ITPR3: variants seen among roughly 807,000 people sequenced by gnomAD.
ITPR3 encodes the protein inositol 1,4,5-trisphosphate-gated calcium channel ITPR3.
A neutral mutation model predicts 293.2 loss-of-function variants in ITPR3; 173 were observed. The ratio of observed to expected loss-of-function variants is 0.59; its 90% CI spans 0.52 to 0.67. ITPR3 has a LOEUF of 0.67. Ranked by LOEUF, ITPR3 falls within the 30% of genes least tolerant of loss-of-function variation. The pLI, the probability that ITPR3 is intolerant of heterozygous loss-of-function variation, is 0.00. For missense variants in ITPR3, 2,796 were observed against 3,592.1 expected (o/e 0.78, Z 5.66); for synonymous variants, 1,295 against 1,444.4 (o/e 0.90, Z 2.35).
Position 33,662,635 on chromosome 6 carries a change from C to T in ITPR3, c.819C>T (p.Ala273=). The change falls in exon 8 of 58, where the codon GCC becomes GCT. Residue 273 remains alanine (A), a synonymous_variant. Coordinates refer to ENST00000605930, the MANE Select transcript of ITPR3 (RefSeq NM_002224.4). ...TGCGAACTACACTGCGCCAGTCTGC[C>T]ACCTCGGCCACCAGCTCCAATGCTC... is the stretch of plus-strand genomic sequence containing the variant. The part of the protein sequence containing the change: ...VFLRTTLRQS[A]TSATSSNALW... The T allele has an allele frequency of 6.2e-7, 1 of 1,610,470 alleles. No homozygotes were observed. Among genetic ancestry groups the T allele is most frequent in the South Asian group, 1.1e-5 (1 of 91,078 alleles).
chr6:33,637,813 C>CTTT (rs56694936), intron 1 of ITPR3, among the ~76,000 whole-genome samples: 7 of 140,244 alleles, frequency 5.0e-5, no homozygotes, highest in Non-Finnish European at 6.2e-5. Flanking sequence ...TTCTTTCTTT[C>CTTT]TTTTTTTTTT....
At chr6:33,641,300 G>A (rs1471568919) in intron 2 of ITPR3, among the ~76,000 whole-genome samples, 1 of 152,188 alleles carries the variant, frequency 6.6e-6, no homozygotes, top group East Asian at 1.9e-4. Flanking sequence ...GGGCGTGTTG[G>A]GCAGGGTGGG....
rs190572901 is a variant in ITPR3, at chr6:33,638,360, G to T, written c.90-2124G>T. 3.3e-5 allele frequency among the ~76,000 whole-genome samples: 5 copies of T among 152,326 alleles called. No homozygotes were observed. Among genetic ancestry groups the T allele is most frequent in the Admixed American group, 3.3e-4 (5 of 15,294 alleles). On this transcript the variant is annotated intron_variant, in intron 1 of 57. Coordinates refer to ENST00000605930, the MANE Select transcript of ITPR3 (RefSeq NM_002224.4). This position sits in a 1 kb window ranked among gnomAD's most constrained non-coding sequence, Gnocchi z 4.3. ...TTGGTGGTCAACCTAACCTTCAGCG[G>T]CTCTCTCCTTCCAGGAGGAGGTCGT... is the stretch of plus-strand genomic sequence containing the variant.
chr6:33,695,203 T>A, intron 57 of ITPR3, 118 bp downstream of exon 57: 2 of 1,175,890 alleles, frequency 1.7e-6, no homozygotes, highest in South Asian at 1.5e-5. Flanking sequence ...TGGGCCTGGA[T>A]GAGAAGGCAG....
At chr6:33,660,437 TCA>T (rs1764433834) in intron 7 of ITPR3, among the ~76,000 whole-genome samples, 1 of 152,046 alleles carries the variant, frequency 6.6e-6, no homozygotes, top group Non-Finnish European at 1.5e-5. Context: ...TCAGGCTGCC[TCA>T]GTCCCCCACC....
At chr6:33,626,226 T>A (rs915816133) in intron 1 of ITPR3, among the ~76,000 whole-genome samples, 1 of 152,194 alleles carries the variant, frequency 6.6e-6, no homozygotes, top group Non-Finnish European at 1.5e-5. Flanking sequence ...TGAGCCGCCG[T>A]GCCTGGCCGT....
Position 33,658,106 on chromosome 6 carries a change from G to A in ITPR3, c.369+88G>A. 2 of 1,136,246 alleles carry A rather than the reference G, an allele frequency of 1.8e-6. No individual in the cohort carries two copies. The highest frequency in any genetic ancestry group is 2.6e-6 in the Non-Finnish European group (2 of 765,564). The allele number at this position is 1,136,246 out of a possible 1,614,324, so 70.4% of individuals were successfully genotyped here. A position where few individuals can be genotyped will look rare whatever the true frequency, so the allele number is the denominator to read the frequency against. Reference sequence around the variant, plus strand: ...TGGGTGAGGGCTGCCAGCAGGCATTGCCCTCTGTGCATGTGTGTCCCCGGG... The same window carrying A: ...TGGGTGAGGGCTGCCAGCAGGCATTACCCTCTGTGCATGTGTGTCCCCGGG... On this transcript the variant is annotated intron_variant, in intron 4 of 57. Coordinates refer to ENST00000605930, the MANE Select transcript of ITPR3 (RefSeq NM_002224.4). This position sits in a 1 kb window ranked among gnomAD's most constrained non-coding sequence, Gnocchi z 6.1.
At position 33,664,942 on chromosome 6, in the gene ITPR3, C is replaced by T. The variant is rs536206551; in HGVS notation, c.1221C>T (p.Ile407=). The change falls in exon 12 of 58, where the codon ATC becomes ATT. Residue 407 remains isoleucine (I), a synonymous_variant. Coordinates refer to ENST00000605930, the MANE Select transcript of ITPR3 (RefSeq NM_002224.4). This position sits in a 1 kb window ranked among gnomAD's most constrained non-coding sequence, Gnocchi z 4.4. ...AGAGCACCAATGTGCCCATTGACAT[C>T]GAGGAGGAGCGGCCCATCCGGCTCA... ...WIQSTNVPID[I]EEERPIRLML... The T allele has an allele frequency of 1.9e-6, 3 of 1,585,852 alleles. No individual in the cohort carries two copies. Among genetic ancestry groups the T allele is most frequent in the East Asian group, 4.7e-5 (2 of 42,854 alleles).
At position 33,683,299 on chromosome 6, in the gene ITPR3, C is replaced by T. The variant is rs1208122928; in HGVS notation, c.4690C>T (p.Arg1564Trp). The T allele has an allele frequency of 1.0e-5, 16 of 1,582,052 alleles. No homozygotes were observed. The highest frequency in any genetic ancestry group is 2.3e-5 in the South Asian group (2 of 86,514). ...SGASCAAAAQRNASSYKATTR... is the reference protein window; with the variant it reads ...SGASCAAAAQWNASSYKATTR... ...AGCCAGCTGTGCAGCTGCCGCCCAG[C>T]GGAACGCCTCCAGCTACAAGGCAAC... Residue 1564 changes from arginine to tryptophan, a missense_variant, in exon 35 of 58, where the codon CGG becomes TGG. Arg to Trp is a moderately radical substitution (Grantham distance 101). Transcript: ENST00000605930. This position sits in a 1 kb window ranked among gnomAD's most constrained non-coding sequence, Gnocchi z 4.5.
chr6:33,692,951 C>T lies in ITPR3; in HGVS notation c.7624+58C>T. On this transcript the variant is annotated intron_variant, in intron 55 of 57. Transcript: ENST00000605930. This position sits in a 1 kb window ranked among gnomAD's most constrained non-coding sequence, Gnocchi z 4.2. ...AGCGGGGCTGGAACGTCATCTGATG[C>T]CAGTGGCAGTAGCGGTTTGGCCCTT... 1 of 1,573,814 alleles carries T rather than the reference C, an allele frequency of 6.4e-7. No homozygotes were observed. Among genetic ancestry groups the T allele is most frequent in the Non-Finnish European group, 8.7e-7 (1 of 1,150,794 alleles).
chr6:33,660,797 T>C (rs1162544957), intron 7 of ITPR3, among the ~76,000 whole-genome samples: 1 of 152,014 alleles, frequency 6.6e-6, no homozygotes, highest in African/African-American at 2.4e-5. Flanking sequence ...GGCGTGGCAG[T>C]GGGCACCTGT....
intron 26 of ITPR3, 29 bp from the exon 27 acceptor site, chr6:33,676,986 G>C (rs1174083196): frequency 6.2e-7 from 1 of 1,613,960 alleles, no homozygotes; most frequent in South Asian, 1.1e-5. Context: ...GCTGGGCCTG[G>C]CTGATCTCCT....
In ITPR3 at chr6:33,638,056, A is replaced by C. The variant is rs1763866104; in HGVS notation, c.90-2428A>C. 6.6e-6 allele frequency among the ~76,000 whole-genome samples: 1 copy of C among 151,526 alleles called. No homozygotes were observed. Among genetic ancestry groups the C allele is most frequent in the South Asian group, 2.1e-4 (1 of 4,794 alleles). ...AGTCTTGCTCTTTCGCCCAGGCTGA[A>C]GTGCAGTGGCGTGATCTCGGCTCAC... is the stretch of plus-strand genomic sequence containing the variant. On this transcript the variant is annotated intron_variant, in intron 1 of 57. Transcript: ENST00000605930. This position sits in a 1 kb window ranked among gnomAD's most constrained non-coding sequence, Gnocchi z 4.3.
chr6:33,629,740 A>AAAGTGTTGGGAT (rs1397945436), intron 1 of ITPR3, among the ~76,000 whole-genome samples: 1 of 151,264 alleles, frequency 6.6e-6, no homozygotes, highest in Non-Finnish European at 1.5e-5. Flanking sequence ...TCAGCCTCCC[A>AAAGTGTTGGGAT]AAGTGTTGGG....
Position 33,675,426 on chromosome 6 carries a change from A to C in ITPR3, c.3117-265A>C, listed in dbSNP as rs1764878426. ...GGGTGACAGAGCAAGACTCTGTCTC[A>C]AAAAAAAAAAAAAAGAGTCCTTGCT... is the stretch of plus-strand genomic sequence containing the variant. On this transcript the variant is annotated intron_variant, in intron 24 of 57. Transcript: ENST00000605930. The surrounding 1 kb of genome is among the most constrained non-coding windows in gnomAD (Gnocchi z 5.0). Among the ~76,000 whole-genome samples the C allele has an allele frequency of 8.1e-6, 1 of 123,984 alleles. No homozygotes were observed. The highest frequency in any genetic ancestry group is 1.8e-5 in the Non-Finnish European group (1 of 56,592). 81.3% of individuals were successfully genotyped at this position (123,984 alleles called of 152,430 possible). A position where few individuals can be genotyped will look rare whatever the true frequency, so the allele number is the denominator to read the frequency against.
chr6:33,661,991 T>TCAAAAAAAAAAAA (rs1333480203), intron 7 of ITPR3, among the ~76,000 whole-genome samples: 1 of 16,880 alleles, frequency 5.9e-5, no homozygotes, highest in Non-Finnish European at 1.8e-4. Context: ...TGACTGTCTC[T>TCAAAAAAAAAAAA]GAAAAAAAAA....
intron 2 of ITPR3, among the ~76,000 whole-genome samples, chr6:33,646,609 C>G (rs1463693680): frequency 6.6e-6 from 1 of 152,004 alleles, no homozygotes; most frequent in East Asian, 1.9e-4. Flanking sequence ...CTTCCTCTCT[C>G]TCTCTTTCAT....
rs763843161 is a variant in ITPR3, at chr6:33,663,769, C to G, written c.1037C>G (p.Ala346Gly). 3.7e-6 allele frequency: 6 copies of G among 1,614,000 alleles called. No homozygotes were observed. The highest frequency in any genetic ancestry group is 5.1e-6 in the Non-Finnish European group (6 of 1,180,008). ...GAQGRTGRRN[A>G]GEKIKYCLVA... ...CAGGGCCGCACAGGCCGCAGGAATGCTGGGGAGAAGATCAAGTACTGCCTG... is the reference window on the plus strand; with the variant it reads ...CAGGGCCGCACAGGCCGCAGGAATGGTGGGGAGAAGATCAAGTACTGCCTG... The change falls in exon 11 of 58, where the codon GCT becomes GGT. Residue 346 changes from alanine (A) to glycine (G), a missense_variant. Physicochemically the swap from Ala to Gly is moderately conservative, Grantham distance 60. Around this residue, in one of 8 missense-constraint regions of ITPR3, gnomAD observed 955 missense variants for 1,180.8 expected, o/e 0.81. Coordinates refer to ENST00000605930, the MANE Select transcript of ITPR3 (RefSeq NM_002224.4).
rs745792215 is a variant in ITPR3 at position 33,687,433 on chromosome 6, C to T, written c.6178-45C>T. 3 of 1,561,314 alleles carry T rather than the reference C, an allele frequency of 1.9e-6. No individual in the cohort carries two copies. The highest frequency in any genetic ancestry group is 1.7e-6 in the Non-Finnish European group (2 of 1,144,552). On this transcript the variant is annotated intron_variant, in intron 45 of 57. Coordinates refer to ENST00000605930, the MANE Select transcript of ITPR3 (RefSeq NM_002224.4). The surrounding 1 kb of genome is among the most constrained non-coding windows in gnomAD (Gnocchi z 5.3). The stretch of plus-strand genomic sequence containing the variant: ...CATTGTCGCCCCCCAGCCACCATGT[C>T]CCCCAGCCACCACACCCTGGTGACT...
Sources: allele counts gnomAD v4.1 joint callset (sites outside exome capture counted in the v4.1 genomes callset), GRCh38; gene constraint gnomAD v4.1.1; regional missense constraint gnomAD v4.1.1; non-coding constraint Gnocchi (gnomAD v3.1); transcripts MANE v1.5; gene names NCBI Gene and HGNC (gene_info 2026-07-23, HGNC 2026-07-21).